The following PDE7B variants were observed in gnomAD, a reference collection of about 807,000 sequenced individuals.
PDE7B encodes the protein phosphodiesterase 7B, also known as 3',5'-cyclic-AMP phosphodiesterase 7B.
PDE7B carries 29 observed loss-of-function variants against 56.2 expected under a neutral mutation model. The ratio of observed to expected loss-of-function variants is 0.52; its 90% CI spans 0.38 to 0.70. The LOEUF is 0.70. Ranked by LOEUF, PDE7B falls within the 30% of genes least tolerant of loss-of-function variation. The pLI, the probability that PDE7B is intolerant of heterozygous loss-of-function variation, is 0.00. For missense variants in PDE7B, 490 were observed against 565.0 expected, an observed-to-expected ratio of 0.87 and a Z score of 1.35; for synonymous variants, 197 against 196.9, an observed-to-expected ratio of 1.00 and a Z score of 0.00.
intron 1 of PDE7B, among the ~76,000 whole-genome samples, chr6:135,883,025 A>C (rs1775638103): frequency 6.6e-6 from 1 of 152,194 alleles, no homozygotes; most frequent in South Asian, 2.1e-4. Flanking sequence ...CATATCCTCA[A>C]TTACTCCAGG....
At chr6:136,068,918 G>T (rs111373599) in intron 2 of PDE7B, among the ~76,000 whole-genome samples, 1 of 152,234 alleles carries the variant, frequency 6.6e-6, no homozygotes, top group East Asian at 1.9e-4. Context: ...AAAATACTTC[G>T]ATTTCTTTCA....
intron 8 of PDE7B, among the ~76,000 whole-genome samples, chr6:136,172,781 G>A (rs895674171): frequency 6.6e-6 from 1 of 152,098 alleles, no homozygotes; most frequent in African/African-American, 2.4e-5. Context: ...TAACGTTTAA[G>A]TCTTTAATCC....
At chr6:136,123,425 G>A (rs1295089363) in intron 3 of PDE7B, among the ~76,000 whole-genome samples, 1 of 152,154 alleles carries the variant, frequency 6.6e-6, no homozygotes, top group African/African-American at 2.4e-5. Context: ...TGTCAACAGT[G>A]TTCTTCATAT....
intron 1 of PDE7B, among the ~76,000 whole-genome samples, chr6:135,880,877 A>G (rs371410619): frequency 1.3e-5 from 2 of 152,314 alleles, no homozygotes; most frequent in East Asian, 3.9e-4. Flanking sequence ...TCAAGATAAT[A>G]CTAGAGCTCA....
intron 1 of PDE7B, among the ~76,000 whole-genome samples, chr6:135,881,154 G>A (rs1434217341): frequency 6.6e-6 from 1 of 151,948 alleles, no homozygotes; most frequent in African/African-American, 2.4e-5. Context: ...GGCTACATGG[G>A]AGCATATCTT....
At chr6:136,173,514 G>T (rs989945587) in intron 8 of PDE7B, among the ~76,000 whole-genome samples, 1 of 152,206 alleles carries the variant, frequency 6.6e-6, no homozygotes, top group Non-Finnish European at 1.5e-5. Flanking sequence ...TGAGCTATTG[G>T]AAGAGGGGCA....
chr6:135,928,429 T>TTA (rs755915341), intron 1 of PDE7B, among the ~76,000 whole-genome samples: 15,425 of 101,638 alleles, frequency 0.15, 1,211 homozygotes, highest in Non-Finnish European at 0.17. Flanking sequence ...GAAAATGTGA[T>TTA]TATATATATA....
At chr6:136,070,822 T>C (rs1777038048) in intron 2 of PDE7B, among the ~76,000 whole-genome samples, 1 of 152,102 alleles carries the variant, frequency 6.6e-6, no homozygotes, top group African/African-American at 2.4e-5. Flanking sequence ...ATCAAAAAAA[T>C]CTAAAGTCAG....
Position 136,041,192 on chromosome 6 carries a change from A to G in PDE7B, c.83-67539A>G, listed in dbSNP as rs147518274. On this transcript the variant is annotated intron_variant, in intron 2 of 12. Transcript: ENST00000308191. ...CTCTTAATGTGTTTAATGGAACCTT[A>G]AAAGTCCCAGTGTTTCTTTTCCTTA... 9.0e-4 allele frequency among the ~76,000 whole-genome samples: 137 copies of G among 152,322 alleles called. No individual in the cohort carries two copies. In the East Asian group the frequency reaches 0.022, roughly 24 times the overall value.
chr6:136,181,152 C>T, intron 10 of PDE7B, 75 bp from the exon 11 acceptor site: 1 of 981,010 alleles, frequency 1.0e-6, no homozygotes, highest in Non-Finnish European at 1.6e-6. Flanking sequence ...AGCTTGATAG[C>T]CTCTTTGGCT....
intron 2 of PDE7B, among the ~76,000 whole-genome samples, chr6:136,099,354 G>A (rs1295760904): frequency 6.6e-6 from 1 of 152,188 alleles, no homozygotes; most frequent in African/African-American, 2.4e-5. Context: ...TCGCCACACT[G>A]TCCTCCACAA....
chr6:136,034,398 A>G (rs1776291558), intron 2 of PDE7B: 1 of 152,232 alleles, frequency 6.6e-6, no homozygotes, highest in African/African-American at 2.4e-5. Context: ...AGCTCCAACC[A>G]CAAAGCAAAG....
At chr6:135,934,071 C>T (rs1469742726) in intron 1 of PDE7B, among the ~76,000 whole-genome samples, 2 of 152,084 alleles carry the variant, frequency 1.3e-5, no homozygotes, top group African/African-American at 2.4e-5. Context: ...CCAATAGATA[C>T]CCATACTAGA....
chr6:136,141,904 C>T (rs1458170311), intron 3 of PDE7B, among the ~76,000 whole-genome samples: 6 of 151,394 alleles, frequency 4.0e-5, no homozygotes, highest in African/African-American at 9.8e-5. Context: ...TTTCAAAAAA[C>T]CAGCTTCTGG....
intron 1 of PDE7B, among the ~76,000 whole-genome samples, chr6:135,906,824 T>TTTGTTTTTGTTTTTTTTTTTTG (rs1776120157): frequency 6.8e-6 from 1 of 146,734 alleles, no homozygotes; most frequent in African/African-American, 2.5e-5. Flanking sequence ...TTTTTTTTTT[T>TTTGTTTTTGTTTTTTTTTTTTG]TTTTTTTTTT....
intron 2 of PDE7B, among the ~76,000 whole-genome samples, chr6:136,022,961 G>A (rs990445964): frequency 6.6e-6 from 1 of 151,984 alleles, no homozygotes; most frequent in African/African-American, 2.4e-5. Flanking sequence ...ACCAGAAAGA[G>A]GAAGAAAGGG....
chr6:136,176,184 T>TTTG (rs1421953701), intron 9 of PDE7B, among the ~76,000 whole-genome samples: 1 of 152,088 alleles, frequency 6.6e-6, no homozygotes, highest in Admixed American at 6.5e-5. Flanking sequence ...ACAGTAACCA[T>TTTG]TTGTTATATG....
intron 1 of PDE7B, among the ~76,000 whole-genome samples, chr6:135,859,678 G>T (rs1414695010): frequency 6.6e-6 from 1 of 151,888 alleles, no homozygotes; most frequent in African/African-American, 2.4e-5. Flanking sequence ...ATGTGTGGGT[G>T]CATGAGAGAG....
Position 136,192,148 on chromosome 6 carries a change from C to T in PDE7B, c.*308C>T. The T allele has an allele frequency of 5.1e-6, 2 of 395,840 alleles. No homozygotes were observed. Among genetic ancestry groups the T allele is most frequent in the South Asian group, 5.4e-5 (2 of 37,248 alleles). 24.5% of individuals were successfully genotyped at this position (395,840 alleles called of 1,614,324 possible). The stretch of plus-strand genomic sequence containing the variant: ...GAAGAATGAGGTGCTCCTGCCGTGT[C>T]CGCCTTGTTCCGGGTCGCACTGGAA... On this transcript the variant is annotated 3_prime_UTR_variant, in exon 13 of 13. Coordinates refer to ENST00000308191, the MANE Select transcript of PDE7B (RefSeq NM_018945.4).
Sources: gnomAD v4.1 joint callset for allele counts (sites outside exome capture counted in the v4.1 genomes callset) on GRCh38, gnomAD v4.1.1 for gene constraint, MANE v1.5 for transcripts, NCBI Gene and HGNC (gene_info 2026-07-23, HGNC 2026-07-21) for gene names.